Variants in ABL2 observed in about 807,000 individuals in gnomAD.
ABL2 encodes the protein tyrosine-protein kinase ABL2.
In ABL2, 49 loss-of-function variants were observed where a neutral mutation model predicts 107.7. That is an observed-to-expected ratio of 0.45 (90% confidence interval 0.36 to 0.58). ABL2 has a LOEUF of 0.58. Among genes scored for constraint, ABL2 ranks in the 20% least tolerant of loss-of-function variants. The pLI is 0.00. For missense variants in ABL2, 1,245 were observed against 1,457.0 expected (o/e 0.85, Z 2.37); for synonymous variants, 549 against 548.6 (o/e 1.00, Z -0.01).
At chr1:179,130,511 A>AC (rs1276462057) in intron 3 of ABL2, among the ~76,000 whole-genome samples, 2 of 152,208 alleles carry the variant, frequency 1.3e-5, no homozygotes, top group African/African-American at 4.8e-5. Flanking sequence ...TAAGCATCTT[A>AC]CCTTGTTGTG....
At chr1:179,184,610 A>C in intron 1 of ABL2, 2 of 537,638 alleles carry the variant, frequency 3.7e-6, no homozygotes, top group Non-Finnish European at 3.4e-6. Context: ...GGATTAGAAG[A>C]TATTGATGAA....
intron 1 of ABL2, among the ~76,000 whole-genome samples, chr1:179,228,050 CAAAAAAAAAAAA>C (rs34070201): frequency 1.7e-4 from 11 of 63,394 alleles, no homozygotes; most frequent in African/African-American, 6.2e-4. Context: ...ACTCCGTCTC[CAAAAAAAAAAAA>C]AAAAAAAAAA....
intron 1 of ABL2, among the ~76,000 whole-genome samples, chr1:179,187,041 T>C (rs1660716833): frequency 6.6e-6 from 1 of 152,182 alleles, no homozygotes; most frequent in Admixed American, 6.5e-5. Flanking sequence ...CCCATTACCA[T>C]TTATAGTGTA....
rs778132682 is a variant in ABL2 at position 179,103,835 on chromosome 1, A to G, written c.*3883T>C. The G allele has an allele frequency of 2.2e-5, 5 of 230,464 alleles. No individual in the cohort carries two copies. Among genetic ancestry groups the G allele is most frequent in the Non-Finnish European group, 4.3e-5 (5 of 116,074 alleles). 14.3% of individuals were successfully genotyped at this position (230,464 alleles called of 1,614,324 possible). A position where few individuals can be genotyped will look rare whatever the true frequency, so the allele number is the denominator to read the frequency against. On this transcript the variant is annotated 3_prime_UTR_variant, in exon 12 of 12. Coordinates refer to ENST00000502732, the MANE Select transcript of ABL2 (RefSeq NM_007314.4). ...CTTGAATTCTAGCCTTGGCTCCGCC[A>G]CTAATTAACCGTTCTGAGACAATAG...
At chr1:179,148,221 G>A (rs1408076584) in intron 1 of ABL2, among the ~76,000 whole-genome samples, 1 of 151,514 alleles carries the variant, frequency 6.6e-6, no homozygotes, top group Non-Finnish European at 1.5e-5. Context: ...GTATTTTTTT[G>A]TAGAGAAGTG....
intron 1 of ABL2, among the ~76,000 whole-genome samples, chr1:179,200,944 A>G (rs2102844800): frequency 6.6e-6 from 1 of 152,298 alleles, no homozygotes; most frequent in South Asian, 2.1e-4. Flanking sequence ...GCTGTCTCCA[A>G]GGTTCTTCTT....
intron 1 of ABL2, among the ~76,000 whole-genome samples, chr1:179,157,707 C>CTTT (rs11411364): frequency 2.9e-4 from 41 of 142,746 alleles, no homozygotes; most frequent in South Asian, 6.8e-4. Context: ...ATTACAGAAT[C>CTTT]TTTTTTTTTT....
intron 1 of ABL2, among the ~76,000 whole-genome samples, chr1:179,165,524 T>C (rs1048047065): frequency 6.6e-6 from 1 of 152,020 alleles, no homozygotes; most frequent in Non-Finnish European, 1.5e-5. Context: ...AATATTAAAG[T>C]AGAGGAGGTA....
At chr1:179,120,142 G>C in intron 6 of ABL2, 48 bp downstream of exon 6, 1 of 1,302,084 alleles carries the variant, frequency 7.7e-7, no homozygotes, top group South Asian at 1.4e-5. Context: ...AGGGGTTAAA[G>C]GGCAAGCATT....
In ABL2 at chr1:179,101,996, C is replaced by CTTTTTTTTTTTTTTTTTTT. The variant is rs869095809; in HGVS notation, c.*5703_*5721dup. 8 of 53,884 alleles carry CTTTTTTTTTTTTTTTTTTT rather than the reference C, an allele frequency of 1.5e-4. 2 individuals carry two copies. Among genetic ancestry groups the CTTTTTTTTTTTTTTTTTTT allele is most frequent in the Non-Finnish European group, 1.9e-4 (6 of 31,258 alleles). The allele number at this position is 53,884 out of a possible 1,614,324, so 3.3% of individuals were successfully genotyped here. Reference sequence around the variant, plus strand: ...AAAAGCAAGCTTTGCATTAGAATTTCTTTTTTTTTTTTTTTTTTTTTTTTT... The same window carrying CTTTTTTTTTTTTTTTTTTT: ...AAAAGCAAGCTTTGCATTAGAATTTCTTTTTTTTTTTTTTTTTTTTTTTTTTTTTTTTTTTTTTTTTTTT... On this transcript the variant is annotated 3_prime_UTR_variant, in exon 12 of 12. Coordinates refer to ENST00000502732, the MANE Select transcript of ABL2 (RefSeq NM_007314.4).
At chr1:179,119,194 T>G (rs565774443) in intron 6 of ABL2, among the ~76,000 whole-genome samples, 2 of 152,274 alleles carry the variant, frequency 1.3e-5, no homozygotes, top group African/African-American at 4.8e-5. Context: ...CAAAATGATT[T>G]TCATCATTTC....
At chr1:179,219,120 G>A (rs961017590) in intron 1 of ABL2, among the ~76,000 whole-genome samples, 41 of 152,272 alleles carry the variant, frequency 2.7e-4, no homozygotes, top group African/African-American at 9.6e-4. Context: ...ATGGCTCACT[G>A]CAGCCTCAAC....
chr1:179,117,141 T>C, intron 8 of ABL2, 191 bp downstream of exon 8: 1 of 641,988 alleles, frequency 1.6e-6, no homozygotes, highest in Non-Finnish European at 2.6e-6. Context: ...GGCCTATACT[T>C]CTGTTTATGC....
At chr1:179,166,504 C>A (rs1376808768) in intron 1 of ABL2, among the ~76,000 whole-genome samples, 1 of 151,658 alleles carries the variant, frequency 6.6e-6, no homozygotes, top group Non-Finnish European at 1.5e-5. Flanking sequence ...CCTGGCAGGG[C>A]GCGGTGGCTC....
chr1:179,152,682 C>T lies in ABL2; in HGVS notation c.158-19308G>A, dbSNP rs182695866. Among the ~76,000 whole-genome samples, 41 of 152,316 alleles carry T rather than the reference C, an allele frequency of 2.7e-4. No individual in the cohort carries two copies. In the East Asian group the frequency reaches 5.4e-3, roughly 20 times the overall value. On this transcript the variant is annotated intron_variant, in intron 1 of 11. Coordinates refer to ENST00000502732, the MANE Select transcript of ABL2 (RefSeq NM_007314.4). ...TCACAGTAAGCAACAAGGAATCATTCTAGGTTTGTGAGTAGTAGCAGCACA... is the reference window on the plus strand; with the variant it reads ...TCACAGTAAGCAACAAGGAATCATTTTAGGTTTGTGAGTAGTAGCAGCACA...
At chr1:179,202,344 G>A (rs970802867) in intron 1 of ABL2, among the ~76,000 whole-genome samples, 1 of 152,124 alleles carries the variant, frequency 6.6e-6, no homozygotes, top group Non-Finnish European at 1.5e-5. Context: ...GGAAACCCAC[G>A]CTTCCCTCTT....
intron 1 of ABL2, among the ~76,000 whole-genome samples, chr1:179,164,545 T>A (rs985706622): frequency 6.6e-6 from 1 of 152,104 alleles, no homozygotes; most frequent in African/African-American, 2.4e-5. Context: ...ATCTAAGGGA[T>A]GAAAGGAATG....
intron 1 of ABL2, among the ~76,000 whole-genome samples, chr1:179,201,094 G>A (rs1557994649): frequency 6.6e-6 from 1 of 152,170 alleles, no homozygotes; most frequent in Non-Finnish European, 1.5e-5. Context: ...TTCTGGAAAT[G>A]TAGGAACCCT....
At chr1:179,184,891 T>C (rs901348572) in intron 1 of ABL2, among the ~76,000 whole-genome samples, 1 of 152,144 alleles carries the variant, frequency 6.6e-6, no homozygotes, top group African/African-American at 2.4e-5. Context: ...TCTCTACCCC[T>C]TTCTGTTCCA....
Sources: allele counts gnomAD v4.1 joint callset (sites outside exome capture counted in the v4.1 genomes callset), GRCh38; gene constraint gnomAD v4.1.1; transcripts MANE v1.5; gene names NCBI Gene and HGNC (gene_info 2026-07-23, HGNC 2026-07-21).